NWD2: variants seen among roughly 807,000 people sequenced by gnomAD.
The protein encoded by NWD2 is NACHT and WD repeat domain containing 2.
Under a neutral mutation model 132.7 loss-of-function variants are expected in NWD2, and 37 were observed. The observed-to-expected ratio is 0.28, with a 90% CI of 0.21 to 0.37. The LOEUF (loss-of-function observed/expected upper bound fraction) is 0.37. Among genes scored for constraint, NWD2 ranks in the 10% least tolerant of loss-of-function variants. NWD2 has a pLI of 1.00. For missense variants in NWD2, 1,592 were observed against 2,122.4 expected, an observed-to-expected ratio of 0.75 and a Z score of 4.91; for synonymous variants, 705 against 803.0, an observed-to-expected ratio of 0.88 and a Z score of 2.06.
intron 1 of NWD2, among the ~76,000 whole-genome samples, chr4:37,310,804 C>A (rs1263563294): frequency 8.8e-6 from 1 of 113,724 alleles, no homozygotes. Context: ...CCACAACAGT[C>A]CCCAGAGTGT....
At chr4:37,316,758 A>T (rs752087542) in intron 1 of NWD2, among the ~76,000 whole-genome samples, 11 of 152,006 alleles carry the variant, frequency 7.2e-5, no homozygotes, top group Admixed American at 1.3e-4. Context: ...CACTCAGACA[A>T]TTTCCGTTGA....
chr4:37,443,946 G>A lies in NWD2; in HGVS notation c.1958G>A (p.Cys653Tyr). 2 of 1,552,330 alleles carry A rather than the reference G, an allele frequency of 1.3e-6. No homozygotes were observed. Among genetic ancestry groups the A allele is most frequent in the South Asian group, 1.2e-5 (1 of 84,058 alleles). The stretch of plus-strand genomic sequence containing the variant: ...TTATTCTGGTCCTTGGAGAAGAAGT[G>A]TGGTCAGAAACTGGTCTCTAGGGCT... ...EQLFWSLEKK[C>Y]GQKLVSRALG... is the part of the protein sequence containing the mutation. Residue 653 changes from cysteine (C) to tyrosine (Y), a missense_variant, in exon 7 of 7, where the codon TGT becomes TAT. Cys to Tyr is a radical substitution (Grantham distance 194). This residue lies in a region of NWD2 where 1,071 missense variants were observed against 1,398.0 expected (regional missense o/e 0.77). Coordinates refer to ENST00000309447, the MANE Select transcript of NWD2 (RefSeq NM_001144990.2). The surrounding 1 kb of genome is among the most constrained non-coding windows in gnomAD (Gnocchi z 4.1).
chr4:37,296,280 G>A lies in NWD2; in HGVS notation c.152-29656G>A, dbSNP rs141902970. On this transcript the variant is annotated intron_variant, in intron 1 of 6. Coordinates refer to ENST00000309447, the MANE Select transcript of NWD2 (RefSeq NM_001144990.2). ...GCATTCAGGCATGAGTTATAGTGCCGTTGGCCAATGTTAATGAATCAACAA... is the reference window on the plus strand; with the variant it reads ...GCATTCAGGCATGAGTTATAGTGCCATTGGCCAATGTTAATGAATCAACAA... Among the ~76,000 whole-genome samples, 454 of 152,280 alleles carry A rather than the reference G, an allele frequency of 3.0e-3. 2 individuals are homozygous for A. Among genetic ancestry groups the A allele is most frequent in the African/African-American group, 0.01 (418 of 41,566 alleles).
At chr4:37,430,890 C>G (rs1712158545) in intron 4 of NWD2, 115 bp downstream of exon 4, 1 of 852,948 alleles carries the variant, frequency 1.2e-6, no homozygotes. Context: ...AGTTACTCTG[C>G]CCTAGGCCCC....
intron 4 of NWD2, among the ~76,000 whole-genome samples, chr4:37,432,279 A>T (rs918985111): frequency 5.9e-5 from 9 of 151,960 alleles, no homozygotes; most frequent in Admixed American, 5.2e-4. Context: ...CCACATGATC[A>T]GTTAGGTTTA....
intron 3 of NWD2, among the ~76,000 whole-genome samples, chr4:37,377,486 C>CT: frequency 6.6e-6 from 1 of 152,244 alleles, no homozygotes; most frequent in Non-Finnish European, 1.5e-5. Flanking sequence ...AATCCCAGCA[C>CT]TTTGGGAGGC....
chr4:37,403,433 C>G (rs981041506), intron 3 of NWD2, among the ~76,000 whole-genome samples: 5 of 152,032 alleles, frequency 3.3e-5, no homozygotes, highest in African/African-American at 1.2e-4. Flanking sequence ...TCTAGGGGCC[C>G]CAGGGAAACT....
chr4:37,308,852 C>A (rs1019620408), intron 1 of NWD2, among the ~76,000 whole-genome samples: 1 of 151,644 alleles, frequency 6.6e-6, no homozygotes, highest in Admixed American at 6.6e-5. Context: ...AATGCAAGCA[C>A]ACTGTGGCTT....
Position 37,313,064 on chromosome 4 carries a change from A to C in NWD2, c.152-12872A>C, listed in dbSNP as rs1183452334. Reference sequence around the variant, plus strand: ...ATTGAGGATTTTTGCATCAATGTTCATCAAGGATATTGGTCTAAAATTCTC... The same window carrying C: ...ATTGAGGATTTTTGCATCAATGTTCCTCAAGGATATTGGTCTAAAATTCTC... On this transcript the variant is annotated intron_variant, in intron 1 of 6. Transcript: ENST00000309447. Among the ~76,000 whole-genome samples, 5 of 151,178 alleles carry C rather than the reference A, an allele frequency of 3.3e-5. 1 individual carries two copies. Among genetic ancestry groups the C allele is most frequent in the African/African-American group, 7.4e-5 (3 of 40,452 alleles).
intron 3 of NWD2, among the ~76,000 whole-genome samples, chr4:37,417,534 G>A (rs955862826): frequency 2.0e-5 from 3 of 152,058 alleles, no homozygotes; most frequent in Admixed American, 6.6e-5. Flanking sequence ...TGGATTTGCA[G>A]GTCAAAAGGG....
chr4:37,267,779 T>G (rs948526433), intron 1 of NWD2, among the ~76,000 whole-genome samples: 3 of 151,970 alleles, frequency 2.0e-5, no homozygotes, highest in African/African-American at 7.2e-5. Flanking sequence ...TTGATACAAT[T>G]ACAACAATTA....
At chr4:37,247,588 T>C (rs1359770252) in intron 1 of NWD2, among the ~76,000 whole-genome samples, 1 of 151,320 alleles carries the variant, frequency 6.6e-6, no homozygotes, top group Non-Finnish European at 1.5e-5. Context: ...GATAATAGAA[T>C]GAAATAGATA....
intron 1 of NWD2, among the ~76,000 whole-genome samples, chr4:37,313,712 T>C (rs56212911): frequency 0.23 from 35,310 of 150,836 alleles, 5,106 homozygotes; most frequent in Middle Eastern, 0.4. Context: ...TGTTTGTTTG[T>C]TTCTGAGATG....
intron 1 of NWD2, among the ~76,000 whole-genome samples, chr4:37,300,024 C>G (rs73807481): frequency 0.023 from 3,441 of 152,138 alleles, 124 homozygotes; most frequent in African/African-American, 0.078. Flanking sequence ...AGCCTTCCCG[C>G]TTTGTTCATG....
chr4:37,363,438 T>A (rs1560404639), intron 3 of NWD2, among the ~76,000 whole-genome samples: 1 of 152,190 alleles, frequency 6.6e-6, no homozygotes. Context: ...ATAAACACCA[T>A]GGAATACTAC....
intron 1 of NWD2, among the ~76,000 whole-genome samples, chr4:37,282,106 T>C (rs2109268536): frequency 6.6e-6 from 1 of 152,306 alleles, no homozygotes; most frequent in South Asian, 2.1e-4. Context: ...TGTTCAGTAA[T>C]ATAACTCAAT....
intron 2 of NWD2, among the ~76,000 whole-genome samples, chr4:37,344,616 C>T (rs1560399927): frequency 6.6e-6 from 1 of 152,110 alleles, no homozygotes; most frequent in Non-Finnish European, 1.5e-5. Context: ...GCTGTTACGA[C>T]ATTTTTTACC....
chr4:37,337,057 T>C (rs1455512385), intron 2 of NWD2, among the ~76,000 whole-genome samples: 4 of 151,816 alleles, frequency 2.6e-5, no homozygotes, highest in African/African-American at 9.7e-5. Context: ...GTATATAACC[T>C]GAAATAAATA....
intron 6 of NWD2, among the ~76,000 whole-genome samples, chr4:37,440,276 C>T (rs1379786325): frequency 3.3e-5 from 5 of 152,212 alleles, no homozygotes; most frequent in African/African-American, 1.2e-4. Flanking sequence ...TAGACAGGAC[C>T]TGCGAAAAGC....
Sources: gnomAD v4.1 joint callset for allele counts (sites outside exome capture counted in the v4.1 genomes callset) on GRCh38, gnomAD v4.1.1 for gene constraint, gnomAD v4.1.1 regional missense constraint, Gnocchi (gnomAD v3.1) non-coding constraint, MANE v1.5 for transcripts, NCBI Gene and HGNC (gene_info 2026-07-23, HGNC 2026-07-21) for gene names.